UNC5C: variants seen among roughly 807,000 people sequenced by gnomAD.
UNC5C encodes the protein netrin receptor UNC5C.
A neutral mutation model predicts 99.8 loss-of-function variants in UNC5C; 47 were observed. The ratio of observed to expected loss-of-function variants is 0.47; its 90% confidence interval spans 0.37 to 0.60. The LOEUF is 0.60. Ranked by LOEUF, UNC5C falls within the 20% of genes least tolerant of loss-of-function variation. The pLI, the probability that UNC5C is intolerant of heterozygous loss-of-function variation, is 0.00. For missense variants in UNC5C, 1,062 were observed against 1,165.9 expected (o/e 0.91, Z 1.30); for synonymous variants, 487 against 452.2 (o/e 1.08, Z -0.98).
intron 1 of UNC5C, among the ~76,000 whole-genome samples, chr4:95,529,786 T>C (rs1047558715): frequency 6.6e-6 from 1 of 152,178 alleles, no homozygotes; most frequent in Non-Finnish European, 1.5e-5. Flanking sequence ...TTCAATTACT[T>C]TGATGCTTTG....
chr4:95,216,395 T>G (rs1020141050), intron 9 of UNC5C, among the ~76,000 whole-genome samples, 184 bp from the exon 10 acceptor site: 2 of 152,192 alleles, frequency 1.3e-5, no homozygotes, highest in Non-Finnish European at 2.9e-5. Flanking sequence ...TGAACTCTTA[T>G]GCAATTACTT....
chr4:95,199,574 A>AG (rs1737570376), intron 12 of UNC5C, among the ~76,000 whole-genome samples: 3 of 152,140 alleles, frequency 2.0e-5, no homozygotes, highest in African/African-American at 7.2e-5. Context: ...CTTTCTCACT[A>AG]TTGACCATTT....
At chr4:95,503,592 C>A (rs148562751) in intron 1 of UNC5C, among the ~76,000 whole-genome samples, 1 of 152,166 alleles carries the variant, frequency 6.6e-6, no homozygotes, top group East Asian at 1.9e-4. Context: ...TGGCTGCCAT[C>A]AGGACACAAA....
At chr4:95,202,070 C>T (rs80277202) in intron 12 of UNC5C, among the ~76,000 whole-genome samples, 19 of 152,208 alleles carry the variant, frequency 1.2e-4, no homozygotes, top group Non-Finnish European at 2.4e-4. Context: ...ATGATGCCTC[C>T]GTCTCCTGAG....
At chr4:95,261,922 C>A (rs545084447) in intron 4 of UNC5C, among the ~76,000 whole-genome samples, 2 of 152,090 alleles carry the variant, frequency 1.3e-5, no homozygotes, top group Non-Finnish European at 2.9e-5. Context: ...CCAGGATGGT[C>A]TCGATTGCCT....
intron 1 of UNC5C, among the ~76,000 whole-genome samples, chr4:95,546,183 G>A (rs535597906): frequency 2.6e-4 from 40 of 152,282 alleles, no homozygotes; most frequent in African/African-American, 9.4e-4. Flanking sequence ...TCATTCATAA[G>A]AAATAGTTCA....
At chr4:95,450,332 A>ATG (rs1747246841) in intron 1 of UNC5C, among the ~76,000 whole-genome samples, 1 of 152,196 alleles carries the variant, frequency 6.6e-6, no homozygotes. Context: ...TGATCCTCAC[A>ATG]TATCAGCCTC....
intron 14 of UNC5C, among the ~76,000 whole-genome samples, chr4:95,172,845 C>T (rs1410867152): frequency 6.6e-6 from 1 of 152,112 alleles, no homozygotes; most frequent in East Asian, 1.9e-4. Context: ...TGGCCATTTT[C>T]ACGATATTGA....
intron 1 of UNC5C, among the ~76,000 whole-genome samples, chr4:95,369,512 C>T (rs1006249588): frequency 3.2e-4 from 48 of 151,908 alleles, no homozygotes; most frequent in African/African-American, 1.2e-3. Context: ...AGATTGCTTG[C>T]GCCACTGCAC....
intron 1 of UNC5C, among the ~76,000 whole-genome samples, chr4:95,492,328 A>C (rs191290312): frequency 2.4e-3 from 366 of 151,432 alleles, no homozygotes; most frequent in Middle Eastern, 0.01. Context: ...TAATTTCTTT[A>C]AAAATTAGAA....
chr4:95,284,872 A>G (rs994621530), intron 3 of UNC5C, among the ~76,000 whole-genome samples: 2 of 152,156 alleles, frequency 1.3e-5, no homozygotes, highest in Non-Finnish European at 2.9e-5. Context: ...TCCCAGTGCC[A>G]TCTCTTGAGC....
intron 4 of UNC5C, among the ~76,000 whole-genome samples, chr4:95,276,390 A>G (rs1347398708): frequency 6.6e-6 from 1 of 152,180 alleles, no homozygotes; most frequent in Non-Finnish European, 1.5e-5. Context: ...GATGATACAA[A>G]TAGAATTCAC....
intron 1 of UNC5C, among the ~76,000 whole-genome samples, chr4:95,450,392 A>C (rs368473511): frequency 4.0e-4 from 61 of 152,232 alleles, no homozygotes; most frequent in Admixed American, 1.2e-3. Context: ...GCTAATTAAA[A>C]ATTTTTTTTC....
intron 1 of UNC5C, among the ~76,000 whole-genome samples, chr4:95,411,959 C>T (rs1211619371): frequency 1.3e-5 from 2 of 151,890 alleles, no homozygotes; most frequent in Admixed American, 6.6e-5. Flanking sequence ...TCTCTCCCAC[C>T]ACTTCTCCAT....
chr4:95,506,402 A>G (rs1721922967), intron 1 of UNC5C, among the ~76,000 whole-genome samples: 3 of 152,042 alleles, frequency 2.0e-5, no homozygotes, highest in Admixed American at 1.3e-4. Context: ...CAGTCAAAAT[A>G]TGTCACCAAA....
intron 1 of UNC5C, among the ~76,000 whole-genome samples, chr4:95,469,868 G>T (rs1049250692): frequency 6.6e-6 from 1 of 152,102 alleles, no homozygotes; most frequent in African/African-American, 2.4e-5. Context: ...GAGACAAATT[G>T]CTCATGCAGA....
At chr4:95,513,780 A>T (rs774945019) in intron 1 of UNC5C, among the ~76,000 whole-genome samples, 1 of 152,154 alleles carries the variant, frequency 6.6e-6, no homozygotes, top group Non-Finnish European at 1.5e-5. Flanking sequence ...AAACTTCGAT[A>T]TATTTTTCTT....
At chr4:95,221,974 C>T (rs1219686983) in intron 7 of UNC5C, among the ~76,000 whole-genome samples, 1 of 152,106 alleles carries the variant, frequency 6.6e-6, no homozygotes, top group Non-Finnish European at 1.5e-5. Context: ...TATGTTTTGT[C>T]AGCTACTGGG....
At chr4:95,340,922 T>G (rs187782345) in intron 1 of UNC5C, among the ~76,000 whole-genome samples, 2 of 152,210 alleles carry the variant, frequency 1.3e-5, no homozygotes, top group East Asian at 1.9e-4. Flanking sequence ...TACCCCCTTT[T>G]GCAAATAATT....
Sources: gnomAD v4.1 joint callset for allele counts (sites outside exome capture counted in the v4.1 genomes callset) on GRCh38, gnomAD v4.1.1 for gene constraint, MANE v1.5 for transcripts, NCBI Gene and HGNC (gene_info 2026-07-23, HGNC 2026-07-21) for gene names.